Variants in RYR3 observed in about 807,000 individuals in gnomAD.
RYR3 encodes the protein brain ryanodine receptor-calcium release channel.
In RYR3, 207 loss-of-function variants were observed where a neutral mutation model predicts 584.3. The ratio of observed to expected loss-of-function variants is 0.35; its 90% confidence interval spans 0.32 to 0.40. RYR3 has a LOEUF of 0.40. Ranked by LOEUF, RYR3 falls within the 10% of genes least tolerant of loss-of-function variation. The probability of loss-of-function intolerance (pLI) is 1.00; values close to 1 mark genes in which losing one functional copy is unlikely to be tolerated. For missense variants in RYR3, 5,616 were observed against 6,089.2 expected, an observed-to-expected ratio of 0.92 and a Z score of 2.59; for synonymous variants, 2,416 against 2,248.5, an observed-to-expected ratio of 1.07 and a Z score of -2.11.
At chr15:33,698,044 A>G in intron 40 of RYR3, 48 bp downstream of exon 40, 1 of 1,359,688 alleles carries the variant, frequency 7.4e-7, no homozygotes, top group Non-Finnish European at 1.1e-6. Context: ...TTGAGGCAGG[A>G]GCACGAGGTG....
rs952207679 is a variant in RYR3 at position 33,390,527 on chromosome 15, ACTT to A, written c.51+79439_51+79441del. On this transcript the variant is annotated intron_variant, in intron 1 of 103. Coordinates refer to ENST00000634891, the MANE Select transcript of RYR3 (RefSeq NM_001036.6). This position sits in a 1 kb window ranked among gnomAD's most constrained non-coding sequence, Gnocchi z 4.2. The stretch of plus-strand genomic sequence containing the variant: ...AAAGTTCGACGCATTTGTTTTCACG[ACTT>A]CTTCTTCAGGGGGTGATAGGTGTGG... Among the ~76,000 whole-genome samples the A allele has an allele frequency of 1.3e-4, 20 of 152,230 alleles. No individual in the cohort carries two copies. The highest frequency in any genetic ancestry group is 4.6e-4 in the Admixed American group (7 of 15,280).
chr15:33,441,314 A>T (rs767435580), intron 1 of RYR3, among the ~76,000 whole-genome samples: 1 of 151,872 alleles, frequency 6.6e-6, no homozygotes, highest in Middle Eastern at 3.4e-3. Context: ...CACTTTGATT[A>T]AAAAAAAACT....
intron 86 of RYR3, among the ~76,000 whole-genome samples, chr15:33,832,891 C>G (rs1315220942): frequency 6.6e-6 from 1 of 151,682 alleles, no homozygotes; most frequent in Non-Finnish European, 1.5e-5. Flanking sequence ...GCCTGTAATC[C>G]CAGCTACTCA....
intron 1 of RYR3, among the ~76,000 whole-genome samples, chr15:33,427,945 TGCTGAAGCCTTTCTGAAATCC>T (rs2044784591): frequency 6.6e-6 from 1 of 152,246 alleles, no homozygotes; most frequent in Non-Finnish European, 1.5e-5. Flanking sequence ...ACTACTATCT[TGCTGAAGCCTTTCTGAAATCC>T]CTTCTTCTCC....
chr15:33,493,628 A>C (rs1023317689), intron 2 of RYR3, among the ~76,000 whole-genome samples: 2 of 152,208 alleles, frequency 1.3e-5, no homozygotes, highest in Admixed American at 1.3e-4. Flanking sequence ...GCTTTGTAAC[A>C]TGCCGACCAT....
chr15:33,736,522 A>C (rs756055404), intron 49 of RYR3, among the ~76,000 whole-genome samples, 197 bp downstream of exon 49: 5 of 152,082 alleles, frequency 3.3e-5, no homozygotes, highest in Non-Finnish European at 5.9e-5. Flanking sequence ...AAATTGCTCC[A>C]ATTTTCTTTA....
At chr15:33,712,155 C>A (rs926963043) in intron 43 of RYR3, among the ~76,000 whole-genome samples, 2 of 152,070 alleles carry the variant, frequency 1.3e-5, no homozygotes, top group African/African-American at 4.8e-5. Flanking sequence ...GGGGGAGGTG[C>A]CACACACTTT....
chr15:33,748,027 A>G (rs1202171065), intron 53 of RYR3, 87 bp from the exon 54 acceptor site: 9 of 1,271,090 alleles, frequency 7.1e-6, no homozygotes, highest in African/African-American at 4.4e-5. Flanking sequence ...CCCCACCCAC[A>G]GTGGGATGCA....
Position 33,706,924 on chromosome 15 carries a change from G to A in RYR3, c.6489G>A (p.Val2163=), listed in dbSNP as rs774419733. The change falls in exon 43 of 104, where the codon GTG becomes GTA. Residue 2163 remains valine (V), a synonymous_variant. Coordinates refer to ENST00000634891, the MANE Select transcript of RYR3 (RefSeq NM_001036.6). ...TTTTGTACTGTTTCTGGCAGGTGGTGACCTACTTGGCAGGCTGTGGCCTAC... is the reference window on the plus strand; with the variant it reads ...TTTTGTACTGTTTCTGGCAGGTGGTAACCTACTTGGCAGGCTGTGGCCTAC... ...SLEEPDLEKV[V]TYLAGCGLQS... is the part of the protein sequence containing the mutation. The A allele has an allele frequency of 4.4e-6, 7 of 1,604,416 alleles. No individual in the cohort carries two copies. Among genetic ancestry groups the A allele is most frequent in the Non-Finnish European group, 5.1e-6 (6 of 1,175,026 alleles).
intron 19 of RYR3, among the ~76,000 whole-genome samples, chr15:33,623,448 T>A (rs1178604302): frequency 9.2e-5 from 14 of 152,232 alleles, no homozygotes; most frequent in Non-Finnish European, 1.5e-4. Flanking sequence ...TTTTATATGA[T>A]CTTTACAGAG....
chr15:33,580,425 G>A (rs2058531451), intron 13 of RYR3, among the ~76,000 whole-genome samples: 1 of 152,074 alleles, frequency 6.6e-6, no homozygotes, highest in Non-Finnish European at 1.5e-5. Flanking sequence ...GTGAGAGCAT[G>A]ACATTGGCTG....
chr15:33,664,727 C>T (rs1386248734), intron 36 of RYR3, among the ~76,000 whole-genome samples: 7 of 151,352 alleles, frequency 4.6e-5, no homozygotes, highest in Non-Finnish European at 7.4e-5. Flanking sequence ...CTTAGCATGA[C>T]GCCTGTCATA....
At position 33,838,866 on chromosome 15, in the gene RYR3, C is replaced by T; in HGVS notation, c.12886C>T (p.Pro4296Ser). 6.2e-7 allele frequency: 1 copy of T among 1,613,904 alleles called. No individual in the cohort carries two copies. ...GAAAGAGGGCAGCTTAAAGCATGGG[C>T]CTGAAGTGGGTTTGGGTGACCTCTC... ...PKKEGSLKHG[P>S]EVGLGDLSEI... Residue 4296 changes from proline (P) to serine (S), a missense_variant, in exon 89 of 104, where the codon CCT becomes TCT. Coordinates refer to ENST00000634891, the MANE Select transcript of RYR3 (RefSeq NM_001036.6).
At chr15:33,762,682 C>A (rs2072598861) in intron 60 of RYR3, among the ~76,000 whole-genome samples, 1 of 152,132 alleles carries the variant, frequency 6.6e-6, no homozygotes, top group Non-Finnish European at 1.5e-5. Flanking sequence ...CTGAAAATAG[C>A]CATACTGCCC....
intron 15 of RYR3, among the ~76,000 whole-genome samples, chr15:33,584,754 C>A (rs1031009120): frequency 3.9e-5 from 6 of 151,972 alleles, no homozygotes. Context: ...CATTTTTAAT[C>A]CTCGGGTCCA....
At chr15:33,351,451 A>C (rs1282532302) in intron 1 of RYR3, among the ~76,000 whole-genome samples, 2 of 151,768 alleles carry the variant, frequency 1.3e-5, no homozygotes, top group Non-Finnish European at 2.9e-5. Flanking sequence ...GCAGAGACAC[A>C]ACCAAAAAAG....
rs539863175 is a variant in RYR3, at chr15:33,419,977, A to T, written c.52-53442A>T. Among the ~76,000 whole-genome samples the T allele has an allele frequency of 1.4e-3, 211 of 152,346 alleles. 1 individual carries two copies. In the Middle Eastern group the frequency reaches 0.02, roughly 15 times the overall value. ...GAGAACTTTCGTATTTTGCAGCTGAAGTACAACACAGCTGGCCTCCTAAAT... is the reference window on the plus strand; with the variant it reads ...GAGAACTTTCGTATTTTGCAGCTGATGTACAACACAGCTGGCCTCCTAAAT... On this transcript the variant is annotated intron_variant, in intron 1 of 103. Coordinates refer to ENST00000634891, the MANE Select transcript of RYR3 (RefSeq NM_001036.6).
chr15:33,807,397 A>T (rs28540970), intron 69 of RYR3, among the ~76,000 whole-genome samples, 158 bp from the exon 70 acceptor site: 4,732 of 152,272 alleles, frequency 0.031, 243 homozygotes, highest in African/African-American at 0.11. Context: ...TCTTCATGCT[A>T]TGCTCAACTG....
At chr15:33,843,715 C>G in intron 92 of RYR3, 141 bp downstream of exon 92, 1 of 620,184 alleles carries the variant, frequency 1.6e-6, no homozygotes, top group South Asian at 2.0e-5. Flanking sequence ...ACATTGGCTT[C>G]TAAAAGGAAT....
Sources: gnomAD v4.1 joint callset for allele counts (sites outside exome capture counted in the v4.1 genomes callset) on GRCh38, gnomAD v4.1.1 for gene constraint, Gnocchi (gnomAD v3.1) non-coding constraint, MANE v1.5 for transcripts, NCBI Gene and HGNC (gene_info 2026-07-23, HGNC 2026-07-21) for gene names.